Variants in RNF220 observed in about 807,000 individuals in gnomAD.
The protein encoded by RNF220 is E3 ubiquitin-protein ligase RNF220.
A neutral mutation model predicts 67.1 loss-of-function variants in RNF220; 7 were observed. The ratio of observed to expected loss-of-function variants is 0.10; its 90% CI spans 0.06 to 0.20. The LOEUF (loss-of-function observed/expected upper bound fraction) is 0.20, where lower values mean the gene tolerates loss of function less well. Ranked by LOEUF, RNF220 falls within the 10% of genes least tolerant of loss-of-function variation. The probability of loss-of-function intolerance (pLI) is 1.00; values close to 1 mark genes in which losing one functional copy is unlikely to be tolerated. For synonymous variants in RNF220, 270 were observed against 283.2 expected (o/e 0.95, Z 0.47); for missense variants, 565 against 740.3 (o/e 0.76, Z 2.75).
rs563518873 is a variant in RNF220 at position 44,567,088 on chromosome 1, A to G, written c.626-47077A>G. Among the ~76,000 whole-genome samples the G allele has an allele frequency of 6.5e-4, 99 of 152,278 alleles. 1 individual carries two copies. The highest frequency in any genetic ancestry group is 2.3e-3 in the African/African-American group (96 of 41,556). Reference sequence around the variant, plus strand: ...CCTTTAATGCATCCGTAAGACACTTACCAAGCTTCTCTCCTGAAATCTGAG... The same window carrying G: ...CCTTTAATGCATCCGTAAGACACTTGCCAAGCTTCTCTCCTGAAATCTGAG... On this transcript the variant is annotated intron_variant, in intron 2 of 14. Coordinates refer to ENST00000361799, the MANE Select transcript of RNF220 (RefSeq NM_018150.4).
intron 2 of RNF220, among the ~76,000 whole-genome samples, chr1:44,430,075 A>G (rs1420982948): frequency 8.6e-6 from 1 of 116,292 alleles, no homozygotes; most frequent in African/African-American, 3.1e-5. Context: ...ATACAGAGAG[A>G]AAAAAAAAAA....
At chr1:44,474,408 T>C (rs1179395412) in intron 2 of RNF220, among the ~76,000 whole-genome samples, 2 of 112,524 alleles carry the variant, frequency 1.8e-5, no homozygotes, top group African/African-American at 3.4e-5. Context: ...ATAATAATAA[T>C]AATAATAATA....
intron 2 of RNF220, among the ~76,000 whole-genome samples, chr1:44,496,881 G>C (rs547863353): frequency 6.6e-6 from 1 of 152,218 alleles, no homozygotes; most frequent in Non-Finnish European, 1.5e-5. Context: ...AACTGCTGGG[G>C]CAGACAGTGT....
intron 1 of RNF220, among the ~76,000 whole-genome samples, chr1:44,408,225 C>A (rs1647590777): frequency 6.6e-6 from 1 of 152,164 alleles, no homozygotes; most frequent in Non-Finnish European, 1.5e-5. Flanking sequence ...AATGCACCCG[C>A]TCGCTGAGCC....
chr1:44,540,532 T>C (rs1661592597), intron 2 of RNF220, among the ~76,000 whole-genome samples: 2 of 152,170 alleles, frequency 1.3e-5, no homozygotes. Context: ...TTTTGTGTTG[T>C]TGCGTTCCCT....
intron 2 of RNF220, among the ~76,000 whole-genome samples, chr1:44,543,651 C>T (rs561518717): frequency 2.0e-5 from 3 of 151,924 alleles, no homozygotes; most frequent in South Asian, 2.1e-4. Context: ...TACAAGAGTA[C>T]GTGACCGGGG....
chr1:44,619,858 G>A (rs1393012714), intron 3 of RNF220, among the ~76,000 whole-genome samples: 1 of 152,196 alleles, frequency 6.6e-6, no homozygotes, highest in African/African-American at 2.4e-5. Context: ...CAGGTTGTTG[G>A]AGGGAAGATA....
chr1:44,480,321 C>T (rs1304644035), intron 2 of RNF220, among the ~76,000 whole-genome samples: 4 of 152,100 alleles, frequency 2.6e-5, no homozygotes, highest in East Asian at 1.9e-4. Flanking sequence ...GTGGAAGGAA[C>T]GCTTGAGCCT....
intron 2 of RNF220, among the ~76,000 whole-genome samples, chr1:44,499,879 CCA>C (rs1308639033): frequency 6.6e-6 from 1 of 152,206 alleles, no homozygotes; most frequent in Non-Finnish European, 1.5e-5. Context: ...AATAGCCACT[CCA>C]GTCTTCCAGT....
At chr1:44,639,757 TTTCTC>T (rs1340038164) in intron 8 of RNF220, among the ~76,000 whole-genome samples, 26 of 152,136 alleles carry the variant, frequency 1.7e-4, no homozygotes, top group African/African-American at 5.8e-4. Flanking sequence ...GCACAAATCT[TTTCTC>T]TTCTTTTCTT....
intron 2 of RNF220, among the ~76,000 whole-genome samples, chr1:44,475,568 C>CAAA (rs35917344): frequency 1.6e-4 from 11 of 70,958 alleles, no homozygotes; most frequent in Admixed American, 4.7e-4. Flanking sequence ...GACTCGGTCT[C>CAAA]AAAAAAAAAA....
At chr1:44,462,201 G>A (rs1436427969) in intron 2 of RNF220, among the ~76,000 whole-genome samples, 2 of 151,836 alleles carry the variant, frequency 1.3e-5, no homozygotes, top group Non-Finnish European at 2.9e-5. Flanking sequence ...CCAAAGTGCT[G>A]GGATTACAGG....
At chr1:44,463,539 T>C (rs1290768959) in intron 2 of RNF220, among the ~76,000 whole-genome samples, 2 of 146,116 alleles carry the variant, frequency 1.4e-5, no homozygotes, top group Non-Finnish European at 3.0e-5. Flanking sequence ...ATTTTGTTTC[T>C]TTTTTTTTTT....
At chr1:44,467,297 C>T (rs879838502) in intron 2 of RNF220, among the ~76,000 whole-genome samples, 2 of 152,230 alleles carry the variant, frequency 1.3e-5, no homozygotes, top group Admixed American at 1.3e-4. Context: ...CTGCAACCTC[C>T]ACCTCCCAGG....
At chr1:44,638,512 A>G (rs1557469947) in intron 8 of RNF220, 1 of 152,260 alleles carries the variant, frequency 6.6e-6, no homozygotes, top group Non-Finnish European at 1.5e-5. Context: ...ATTGCAGATA[A>G]GTTCCTGTAT....
At chr1:44,438,231 A>C (rs576312273) in intron 2 of RNF220, among the ~76,000 whole-genome samples, 2 of 151,844 alleles carry the variant, frequency 1.3e-5, no homozygotes, top group Non-Finnish European at 2.9e-5. Context: ...AGTGATCCTC[A>C]CACTTCAGCC....
chr1:44,508,893 G>A (rs1658688556), intron 2 of RNF220, among the ~76,000 whole-genome samples: 1 of 152,156 alleles, frequency 6.6e-6, no homozygotes, highest in African/African-American at 2.4e-5. Context: ...ATGGAAAGGA[G>A]TAAGCCCTTT....
chr1:44,508,694 G>A (rs1217316541), intron 2 of RNF220, among the ~76,000 whole-genome samples: 1 of 152,124 alleles, frequency 6.6e-6, no homozygotes, highest in African/African-American at 2.4e-5. Context: ...CTGAGAACTG[G>A]GAGCAGGTCT....
chr1:44,571,568 A>C (rs1352054799), intron 2 of RNF220, among the ~76,000 whole-genome samples: 1 of 152,228 alleles, frequency 6.6e-6, no homozygotes, highest in Admixed American at 6.5e-5. Flanking sequence ...GTAGGTGCTT[A>C]ATAAATTTCT....
Sources: gnomAD v4.1 joint callset for allele counts (sites outside exome capture counted in the v4.1 genomes callset) on GRCh38, gnomAD v4.1.1 for gene constraint, MANE v1.5 for transcripts, NCBI Gene and HGNC (gene_info 2026-07-23, HGNC 2026-07-21) for gene names.